Variants in ATP9A observed in about 807,000 individuals in gnomAD.
ATP9A encodes probable phospholipid-transporting ATPase IIA.
ATP9A carries 52 observed loss-of-function variants against 144.1 expected under a neutral mutation model. The observed-to-expected ratio is 0.36, with a 90% CI of 0.29 to 0.45. The LOEUF (loss-of-function observed/expected upper bound fraction) is 0.45. ATP9A is among the 20% of genes least tolerant of loss of function. The pLI, the probability that ATP9A is intolerant of heterozygous loss-of-function variation, is 1.00. For synonymous variants in ATP9A, 582 were observed against 557.4 expected, an observed-to-expected ratio of 1.04 and a Z score of -0.62; for missense variants, 947 against 1,392.7, an observed-to-expected ratio of 0.68 and a Z score of 5.09.
chr20:51,757,352 C>T (rs929207325), intron 1 of ATP9A, among the ~76,000 whole-genome samples: 9 of 152,128 alleles, frequency 5.9e-5, no homozygotes, highest in African/African-American at 9.7e-5. Context: ...TGCAAACTGC[C>T]CGTGGCACGT....
At chr20:51,651,942 A>G (rs1207518424) in intron 14 of ATP9A, among the ~76,000 whole-genome samples, 1 of 152,174 alleles carries the variant, frequency 6.6e-6, no homozygotes, top group Non-Finnish European at 1.5e-5. Flanking sequence ...AAAAAAGAAA[A>G]AAAGTTTTTT....
intron 14 of ATP9A, among the ~76,000 whole-genome samples, chr20:51,655,400 GC>G (rs1211169208): frequency 6.6e-6 from 1 of 152,122 alleles, no homozygotes; most frequent in Non-Finnish European, 1.5e-5. Context: ...GAGTGACAGA[GC>G]AAAACAAAAA....
chr20:51,654,462 TA>T (rs1044815012), intron 14 of ATP9A, among the ~76,000 whole-genome samples: 29 of 147,804 alleles, frequency 2.0e-4, no homozygotes, highest in Admixed American at 6.1e-4. Context: ...TAAAATGGGT[TA>T]AAAAAAAAAT....
intron 4 of ATP9A, 99 bp from the exon 5 acceptor site, chr20:51,697,581 G>A (rs1445702988): frequency 1.9e-6 from 2 of 1,058,176 alleles, no homozygotes; most frequent in African/African-American, 1.6e-5. Context: ...AATACACCCA[G>A]AAGTACACGC....
intron 12 of ATP9A, 62 bp from the exon 13 acceptor site, chr20:51,670,171 T>C: frequency 7.8e-7 from 1 of 1,276,518 alleles, no homozygotes; most frequent in South Asian, 1.2e-5. Context: ...TTATTAACAG[T>C]AATGACAGCT....
chr20:51,761,486 G>C (rs146833380), intron 1 of ATP9A, among the ~76,000 whole-genome samples: 1 of 152,172 alleles, frequency 6.6e-6, no homozygotes, highest in Non-Finnish European at 1.5e-5. Context: ...CTTTGGCCGG[G>C]CGCCGTGGCT....
chr20:51,717,588 G>A (rs1332751542), intron 3 of ATP9A, among the ~76,000 whole-genome samples: 1 of 152,074 alleles, frequency 6.6e-6, no homozygotes, highest in Non-Finnish European at 1.5e-5. Context: ...ATAGTCAAAG[G>A]GAAAACAGGC....
chr20:51,692,901 T>A (rs1601108594), intron 7 of ATP9A, among the ~76,000 whole-genome samples: 1 of 152,280 alleles, frequency 6.6e-6, no homozygotes, highest in Middle Eastern at 3.4e-3. Flanking sequence ...ATTCATAGGG[T>A]GGCTACATTT....
intron 1 of ATP9A, among the ~76,000 whole-genome samples, chr20:51,751,006 G>A (rs924376668): frequency 4.6e-5 from 7 of 152,310 alleles, no homozygotes; most frequent in South Asian, 4.1e-4. Flanking sequence ...CAAGAGGCAG[G>A]AGGCTGGACG....
intron 13 of ATP9A, among the ~76,000 whole-genome samples, chr20:51,668,750 G>T (rs372956826): frequency 2.6e-5 from 4 of 152,318 alleles, no homozygotes. Flanking sequence ...AGCAACAAGG[G>T]CTTTGTTGCT....
At chr20:51,650,719 A>G (rs1009670547) in intron 14 of ATP9A, among the ~76,000 whole-genome samples, 2 of 152,154 alleles carry the variant, frequency 1.3e-5, no homozygotes, top group Non-Finnish European at 2.9e-5. Flanking sequence ...ACTCTGTGCC[A>G]TGAGCATGTG....
At chr20:51,636,174 C>T (rs2077291461) in intron 15 of ATP9A, among the ~76,000 whole-genome samples, 1 of 152,074 alleles carries the variant, frequency 6.6e-6, no homozygotes, top group African/African-American at 2.4e-5. Context: ...CACGGCAATA[C>T]CACAACAGCC....
At chr20:51,752,587 T>G (rs2077837219) in intron 1 of ATP9A, among the ~76,000 whole-genome samples, 1 of 152,006 alleles carries the variant, frequency 6.6e-6, no homozygotes, top group African/African-American at 2.4e-5. Context: ...TGGATGCCCT[T>G]TCAAACAGCC....
chr20:51,633,746 GAGAA>G (rs2077279164), intron 15 of ATP9A, among the ~76,000 whole-genome samples: 2 of 143,230 alleles, frequency 1.4e-5, no homozygotes, highest in South Asian at 4.5e-4. Context: ...ACTCTGTCTT[GAGAA>G]AGAAAGAAAA....
At chr20:51,721,558 G>C (rs975110559) in intron 3 of ATP9A, among the ~76,000 whole-genome samples, 1 of 152,104 alleles carries the variant, frequency 6.6e-6, no homozygotes, top group African/African-American at 2.4e-5. Flanking sequence ...CCAGCACTTT[G>C]GGAGGCCAAG....
chr20:51,679,506 C>A (rs2077491361), intron 9 of ATP9A, among the ~76,000 whole-genome samples: 1 of 152,068 alleles, frequency 6.6e-6, no homozygotes, highest in Non-Finnish European at 1.5e-5. Flanking sequence ...TCCTTTAAAT[C>A]CTCTGCCCAA....
chr20:51,720,142 T>C (rs1043261739), intron 3 of ATP9A, among the ~76,000 whole-genome samples: 3 of 152,238 alleles, frequency 2.0e-5, no homozygotes, highest in Non-Finnish European at 4.4e-5. Flanking sequence ...AATGAAAGTA[T>C]TGCAAAACTG....
At chr20:51,728,789 C>T (rs552294551) in intron 2 of ATP9A, among the ~76,000 whole-genome samples, 1 of 152,236 alleles carries the variant, frequency 6.6e-6, no homozygotes, top group South Asian at 2.1e-4. Flanking sequence ...TCCAATTGAC[C>T]TTGAACTCGA....
chr20:51,737,986 C>T (rs11696324), intron 1 of ATP9A, among the ~76,000 whole-genome samples: 33,911 of 151,646 alleles, frequency 0.22, 3,987 homozygotes, highest in South Asian at 0.39. Flanking sequence ...CCCAGGATTT[C>T]GAATCCAACT....
Sources: gnomAD v4.1 joint callset for allele counts (sites outside exome capture counted in the v4.1 genomes callset) on GRCh38, gnomAD v4.1.1 for gene constraint, MANE v1.5 for transcripts, NCBI Gene and HGNC (gene_info 2026-07-23, HGNC 2026-07-21) for gene names.